The following PKHD1 variants were observed in gnomAD, a reference collection of about 807,000 sequenced individuals.
PKHD1 encodes PKHD1 ciliary IPT domain containing fibrocystin/polyductin, also known as fibrocystin.
In PKHD1, 291 loss-of-function variants were observed where a neutral mutation model predicts 412.0. The ratio of observed to expected loss-of-function variants is 0.71; its 90% CI spans 0.64 to 0.78. PKHD1 has a LOEUF of 0.78. Among genes scored for constraint, PKHD1 ranks in the 30% least tolerant of loss-of-function variants. The pLI, the probability that PKHD1 is intolerant of heterozygous loss-of-function variation, is 0.00. For synonymous variants in PKHD1, 1,777 were observed against 1,821.5 expected (o/e 0.98, Z 0.62); for missense variants, 4,825 against 4,950.7 (o/e 0.97, Z 0.76).
intron 55 of PKHD1, among the ~76,000 whole-genome samples, chr6:51,764,744 G>A (rs1788689026): frequency 6.6e-6 from 1 of 151,908 alleles, no homozygotes; most frequent in Admixed American, 6.6e-5. Context: ...CCAACTCCTT[G>A]GAACCCTGTC....
intron 46 of PKHD1, among the ~76,000 whole-genome samples, 181 bp downstream of exon 46, chr6:51,882,912 A>G (rs1306202163): frequency 6.6e-6 from 1 of 152,236 alleles, no homozygotes; most frequent in Admixed American, 6.5e-5. Flanking sequence ...CTGTGTATAT[A>G]TGAGTTCTAT....
chr6:51,844,492 C>T (rs1380396601), intron 50 of PKHD1, among the ~76,000 whole-genome samples: 1 of 152,210 alleles, frequency 6.6e-6, no homozygotes, highest in Non-Finnish European at 1.5e-5. Flanking sequence ...AGCACCCCCG[C>T]CATCCTTTCT....
chr6:51,956,305 C>CGT (rs3062566), intron 36 of PKHD1, among the ~76,000 whole-genome samples: 3,153 of 150,304 alleles, frequency 0.021, 59 homozygotes, highest in Middle Eastern at 0.038. Context: ...CTTATACATA[C>CGT]GTGTGTGTGT....
Position 51,791,319 on chromosome 6 carries a change from A to G in PKHD1, c.8357T>C (p.Met2786Thr). The change falls in exon 53 of 67, where the codon ATG becomes ACG. Residue 2786 changes from methionine (M) to threonine (T), a missense_variant. By Grantham distance (81) the Met-to-Thr change is moderately conservative. Coordinates refer to ENST00000371117, the MANE Select transcript of PKHD1 (RefSeq NM_138694.4). ...GTCCACAGGGAAGTCTAAGGTCCCC[A>G]TCACATACAGCCCTTTGAAGAATGG... ...DLPFFKGLYV[M>T]GTLDFPVDRS... The G allele has an allele frequency of 6.2e-7, 1 of 1,613,514 alleles. No homozygotes were observed. The highest frequency in any genetic ancestry group is 1.1e-5 in the South Asian group (1 of 91,074).
At position 51,984,687 on chromosome 6, in the gene PKHD1, T is replaced by A. The variant is rs9382055; in HGVS notation, c.5752-24661A>T. Reference sequence around the variant, plus strand: ...TGTTACACTGGAGAATGTAGGAGTATCCTTTGCCTGAGGCATTCCTGGACC... The same window carrying A: ...TGTTACACTGGAGAATGTAGGAGTAACCTTTGCCTGAGGCATTCCTGGACC... On this transcript the variant is annotated intron_variant, in intron 35 of 66. Transcript: ENST00000371117. 2.6e-5 allele frequency among the ~76,000 whole-genome samples: 4 copies of A among 152,284 alleles called. No homozygotes were observed. In the East Asian group the frequency reaches 5.8e-4, roughly 22 times the overall value.
chr6:51,835,526 C>T (rs1013822635), intron 51 of PKHD1, among the ~76,000 whole-genome samples: 1 of 152,148 alleles, frequency 6.6e-6, no homozygotes, highest in African/African-American at 2.4e-5. Context: ...TGGTATCCCC[C>T]ACACCTTGCA....
intron 63 of PKHD1, among the ~76,000 whole-genome samples, chr6:51,646,293 T>C (rs1447549248): frequency 1.3e-5 from 2 of 152,086 alleles, no homozygotes; most frequent in African/African-American, 4.8e-5. Flanking sequence ...AATTTCAAGG[T>C]GCTGTGATAA....
At chr6:51,817,851 C>A (rs566343416) in intron 52 of PKHD1, among the ~76,000 whole-genome samples, 1 of 152,202 alleles carries the variant, frequency 6.6e-6, no homozygotes, top group Non-Finnish European at 1.5e-5. Flanking sequence ...CCTTGCTGAC[C>A]ACAGCCCAGA....
chr6:51,740,829 T>C (rs76787288), intron 60 of PKHD1, among the ~76,000 whole-genome samples: 6,865 of 152,310 alleles, frequency 0.045, 215 homozygotes, highest in Middle Eastern at 0.11. Flanking sequence ...GTCTCTTTCA[T>C]TGCAAGAGGA....
At chr6:51,978,747 C>A (rs539612967) in intron 35 of PKHD1, among the ~76,000 whole-genome samples, 69 of 152,158 alleles carry the variant, frequency 4.5e-4, no homozygotes, top group Non-Finnish European at 7.2e-4. Flanking sequence ...GGCATACGTC[C>A]TCTTCTTCCT....
At chr6:51,821,607 C>T (rs73740039) in intron 52 of PKHD1, among the ~76,000 whole-genome samples, 3,271 of 152,276 alleles carry the variant, frequency 0.021, 103 homozygotes, top group African/African-American at 0.074. Context: ...AAGAGTTATA[C>T]ATAATCTCCT....
At chr6:51,786,670 C>T (rs1792904766) in intron 53 of PKHD1, among the ~76,000 whole-genome samples, 2 of 152,144 alleles carry the variant, frequency 1.3e-5, no homozygotes, top group African/African-American at 4.8e-5. Context: ...TATCTTTAAG[C>T]TCCCTCTAGG....
chr6:51,754,696 G>T, intron 56 of PKHD1, 88 bp downstream of exon 56: 1 of 1,077,644 alleles, frequency 9.3e-7, no homozygotes, highest in Non-Finnish European at 1.4e-6. Flanking sequence ...CCTCTGAATG[G>T]CAATCAGATC....
At chr6:51,668,396 G>A (rs1177210459) in intron 60 of PKHD1, among the ~76,000 whole-genome samples, 1 of 152,180 alleles carries the variant, frequency 6.6e-6, no homozygotes, top group Non-Finnish European at 1.5e-5. Flanking sequence ...CACTGATTTT[G>A]TATCCTGAGA....
At chr6:51,766,615 A>ATATTTTTATTTTTTTTTTTTTT (rs562939539) in intron 55 of PKHD1, among the ~76,000 whole-genome samples, 262 of 151,022 alleles carry the variant, frequency 1.7e-3, no homozygotes, top group African/African-American at 5.5e-3. Context: ...TGGTGTATTC[A>ATATTTTTATTTTTTTTTTTTTT]TATTTTTATT....
At chr6:52,026,545 G>A (rs1434082735) in intron 31 of PKHD1, among the ~76,000 whole-genome samples, 1 of 152,010 alleles carries the variant, frequency 6.6e-6, no homozygotes. Context: ...ATATTATCCT[G>A]TATGCTATAT....
At chr6:51,711,009 G>A (rs1780594025) in intron 60 of PKHD1, among the ~76,000 whole-genome samples, 1 of 152,278 alleles carries the variant, frequency 6.6e-6, no homozygotes, top group Non-Finnish European at 1.5e-5. Flanking sequence ...CCACTGATGA[G>A]GCTCCCAGTT....
intron 43 of PKHD1, among the ~76,000 whole-genome samples, chr6:51,903,340 C>A (rs574007016): frequency 1.3e-5 from 2 of 152,316 alleles, no homozygotes; most frequent in East Asian, 3.9e-4. Context: ...AGGTCGTATG[C>A]AGCCCAAGAT....
At chr6:51,674,635 G>A (rs1296980929) in intron 60 of PKHD1, among the ~76,000 whole-genome samples, 1 of 152,170 alleles carries the variant, frequency 6.6e-6, no homozygotes. Context: ...GTTAAATGTA[G>A]TCTAAATAAC....
Sources: gnomAD v4.1 joint callset for allele counts (sites outside exome capture counted in the v4.1 genomes callset) on GRCh38, gnomAD v4.1.1 for gene constraint, MANE v1.5 for transcripts, NCBI Gene and HGNC (gene_info 2026-07-23, HGNC 2026-07-21) for gene names.